NSG1: variants seen among roughly 807,000 people sequenced by gnomAD.
The protein encoded by NSG1 is neuronal vesicle trafficking associated 1.
Under a neutral mutation model 19.3 loss-of-function variants are expected in NSG1, and 9 were observed. The ratio of observed to expected loss-of-function variants is 0.47; its 90% CI spans 0.28 to 0.81. NSG1 has a LOEUF of 0.81. Ranked by LOEUF, NSG1 falls within the 40% of genes least tolerant of loss-of-function variation. NSG1 has a pLI of 0.11. For synonymous variants in NSG1, 104 were observed against 107.0 expected, an observed-to-expected ratio of 0.97 and a Z score of 0.17; for missense variants, 236 against 242.4, an observed-to-expected ratio of 0.97 and a Z score of 0.18.
At chr4:4,410,131 C>T (rs1023055933) in intron 4 of NSG1, among the ~76,000 whole-genome samples, 4 of 152,140 alleles carry the variant, frequency 2.6e-5, no homozygotes, top group East Asian at 3.9e-4. Context: ...CCCAAGGCCA[C>T]GCAGGGAAAG....
chr4:4,415,953 T>A, intron 4 of NSG1: 1 of 624,944 alleles, frequency 1.6e-6, no homozygotes, highest in South Asian at 1.9e-5. Context: ...TTCTGTAGCG[T>A]GTCAGGTGCT....
chr4:4,396,608 C>T (rs1465016388), intron 3 of NSG1, among the ~76,000 whole-genome samples: 1 of 152,202 alleles, frequency 6.6e-6, no homozygotes, highest in Admixed American at 6.5e-5. Context: ...CGTCCCTCTG[C>T]ATCCTGTCGC....
Position 4,391,545 on chromosome 4 carries a change from C to T in NSG1, c.200C>T (p.Ala67Val). 6.2e-7 allele frequency: 1 copy of T among 1,613,902 alleles called. No homozygotes were observed. The highest frequency in any genetic ancestry group is 8.5e-7 in the Non-Finnish European group (1 of 1,179,930). ...KKGKARPPQI[A>V]EFTVSITEGV... ...GGGAAAGCACGTCCTCCCCAAATTG[C>T]TGAGTTCACCGTCAGCATCACGGAG... The change falls in exon 3 of 5, where the codon GCT becomes GTT. Residue 67 changes from alanine (A) to valine (V), a missense_variant. Ala to Val is a moderately conservative substitution (Grantham distance 64, BLOSUM62 0). Coordinates refer to ENST00000621129, the MANE Select transcript of NSG1 (RefSeq NM_014392.5).
intron 3 of NSG1, among the ~76,000 whole-genome samples, chr4:4,407,842 G>A (rs1336361221): frequency 1.3e-5 from 2 of 152,228 alleles, no homozygotes; most frequent in South Asian, 4.1e-4. Context: ...GGTAAGCTGC[G>A]AAGGTGCAGA....
chr4:4,410,005 C>T (rs980621281), intron 4 of NSG1, among the ~76,000 whole-genome samples: 2 of 152,218 alleles, frequency 1.3e-5, no homozygotes, highest in Non-Finnish European at 2.9e-5. Flanking sequence ...TGATACCTAC[C>T]GGATCCCAGC....
chr4:4,415,774 C>G (rs1014732353), intron 4 of NSG1: 5 of 290,228 alleles, frequency 1.7e-5, no homozygotes, highest in Admixed American at 1.4e-4. Flanking sequence ...TGCTGGGTGC[C>G]GAGGTGGGAG....
intron 3 of NSG1, among the ~76,000 whole-genome samples, chr4:4,403,687 A>G (rs898768351): frequency 6.6e-6 from 1 of 152,194 alleles, no homozygotes; most frequent in African/African-American, 2.4e-5. Context: ...TCAGCCAACG[A>G]CAGCCAGTTT....
intron 3 of NSG1, among the ~76,000 whole-genome samples, chr4:4,401,340 C>G (rs1047886980): frequency 6.6e-6 from 1 of 152,174 alleles, no homozygotes. Flanking sequence ...CACCCGGGAC[C>G]TGTCTGCTTC....
intron 3 of NSG1, among the ~76,000 whole-genome samples, chr4:4,393,466 C>G (rs1430264970): frequency 2.0e-5 from 3 of 152,192 alleles, no homozygotes; most frequent in African/African-American, 7.2e-5. Context: ...AACCTGAAGG[C>G]TCAGAAGACC....
chr4:4,392,072 A>G (rs2108725463), intron 3 of NSG1, among the ~76,000 whole-genome samples: 1 of 151,450 alleles, frequency 6.6e-6, no homozygotes, highest in South Asian at 2.1e-4. Flanking sequence ...GGAAAGGTTG[A>G]GGCACAGAGT....
At chr4:4,391,062 T>C (rs1722963838) in intron 2 of NSG1, among the ~76,000 whole-genome samples, 1 of 152,030 alleles carries the variant, frequency 6.6e-6, no homozygotes, top group Admixed American at 6.6e-5. Context: ...CCTCTTCTTG[T>C]GCCCATGGTG....
chr4:4,399,380 C>T (rs1457204583), intron 3 of NSG1, among the ~76,000 whole-genome samples: 1 of 152,132 alleles, frequency 6.6e-6, no homozygotes, highest in East Asian at 1.9e-4. Context: ...TGGACTCAAG[C>T]ATTCCTCCTG....
intron 1 of NSG1, 122 bp downstream of exon 1, chr4:4,387,295 G>A (rs1722768490): frequency 3.7e-6 from 1 of 272,182 alleles, no homozygotes; most frequent in Non-Finnish European, 6.9e-6. Context: ...CGGGTCGCCC[G>A]GGTGCGGCGG....
intron 3 of NSG1, 50 bp downstream of exon 3, chr4:4,391,641 T>C (rs755787321): frequency 1.6e-6 from 2 of 1,272,404 alleles, no homozygotes; most frequent in South Asian, 2.6e-5. Flanking sequence ...CCAGAAGGGG[T>C]CTGCTGAGCT....
chr4:4,409,201 C>G (rs902447204), intron 3 of NSG1, among the ~76,000 whole-genome samples: 4 of 152,212 alleles, frequency 2.6e-5, no homozygotes, highest in Non-Finnish European at 4.4e-5. Flanking sequence ...GATGCACCAC[C>G]GCCGTGATGG....
intron 3 of NSG1, among the ~76,000 whole-genome samples, chr4:4,398,737 C>T (rs13149442): frequency 0.63 from 96,490 of 152,080 alleles, 34,236 homozygotes; most frequent in East Asian, 0.94. Context: ...TTGTGGGTAG[C>T]GCTGCTGTGA....
chr4:4,390,137 C>T (rs911309101), intron 2 of NSG1, among the ~76,000 whole-genome samples: 4 of 152,186 alleles, frequency 2.6e-5, no homozygotes, highest in Non-Finnish European at 4.4e-5. Context: ...TCTAGGCCTG[C>T]GTGCTCAAGG....
chr4:4,387,289 T>G, intron 1 of NSG1, 116 bp downstream of exon 1: 2 of 256,518 alleles, frequency 7.8e-6, no homozygotes, highest in Non-Finnish European at 1.5e-5. Context: ...GAACAGCGGG[T>G]CGCCCGGGTG....
chr4:4,402,790 A>T (rs1021883756), intron 3 of NSG1, among the ~76,000 whole-genome samples: 1 of 152,228 alleles, frequency 6.6e-6, no homozygotes, highest in African/African-American at 2.4e-5. Context: ...CTGGTGGAAG[A>T]AAGGCCCGGC....
Sources: allele counts gnomAD v4.1 joint callset (sites outside exome capture counted in the v4.1 genomes callset), GRCh38; gene constraint gnomAD v4.1.1; transcripts MANE v1.5; gene names NCBI Gene and HGNC (gene_info 2026-07-23, HGNC 2026-07-21).